TOP2B: variants seen among roughly 807,000 people sequenced by gnomAD.
TOP2B encodes DNA topoisomerase 2-beta.
TOP2B carries 51 observed loss-of-function variants against 193.5 expected under a neutral mutation model. That is an observed-to-expected ratio of 0.26 (90% CI 0.21 to 0.33). The LOEUF (loss-of-function observed/expected upper bound fraction) is 0.33. Ranked by LOEUF, TOP2B falls within the 10% of genes least tolerant of loss-of-function variation. The probability of loss-of-function intolerance (pLI) is 1.00; values close to 1 mark genes in which losing one functional copy is unlikely to be tolerated. For missense variants in TOP2B, 1,378 were observed against 1,909.3 expected (o/e 0.72, Z 5.19); for synonymous variants, 634 against 635.7 (o/e 1.00, Z 0.04).
intron 35 of TOP2B, 64 bp downstream of exon 35, chr3:25,599,371 T>G: frequency 6.7e-7 from 1 of 1,499,334 alleles, no homozygotes; most frequent in Non-Finnish European, 9.1e-7. Context: ...ATAAGCAAAC[T>G]AAGTCACTTA....
At chr3:25,604,609 G>T in intron 33 of TOP2B, 151 bp downstream of exon 33, 1 of 590,880 alleles carries the variant, frequency 1.7e-6, no homozygotes, top group Non-Finnish European at 2.9e-6. Flanking sequence ...GCCCTCAGAT[G>T]GCTAGAAAAC....
Position 25,598,138 on chromosome 3 carries a change from A to AT in TOP2B, c.*168dup, listed in dbSNP as rs1701966001. 3 of 632,786 alleles carry AT rather than the reference A, an allele frequency of 4.7e-6. No homozygotes were observed. Among genetic ancestry groups the AT allele is most frequent in the Non-Finnish European group, 7.7e-6 (3 of 387,796 alleles). 39.2% of individuals were successfully genotyped at this position (632,786 alleles called of 1,614,324 possible). ...GACATTTCAATGAGTAAAAAAGAGC[A>AT]TAAAACTGTATGTGTAAGAACAAAA... On this transcript the variant is annotated 3_prime_UTR_variant, in exon 36 of 36. Coordinates refer to ENST00000264331, the MANE Select transcript of TOP2B (RefSeq NM_001330700.2).
In TOP2B at chr3:25,629,006, A is replaced by G. The variant is rs1466535169; in HGVS notation, c.1800+29T>C. Reference sequence around the variant, plus strand: ...TTTTCTGCTACCCTTTAAGACAACAATATAAAAATATATTAATGCAAAGAG... The same window carrying G: ...TTTTCTGCTACCCTTTAAGACAACAGTATAAAAATATATTAATGCAAAGAG... On this transcript the variant is annotated intron_variant, in intron 14 of 35. Coordinates refer to ENST00000264331, the MANE Select transcript of TOP2B (RefSeq NM_001330700.2). 1.9e-6 allele frequency: 3 copies of G among 1,572,082 alleles called. No individual in the cohort carries two copies. In the South Asian group the frequency reaches 3.6e-5, roughly 19 times the overall value.
intron 33 of TOP2B, among the ~76,000 whole-genome samples, chr3:25,601,569 C>T (rs567576489): frequency 5.9e-4 from 89 of 152,106 alleles, no homozygotes; most frequent in Middle Eastern, 3.4e-3. Flanking sequence ...GCTGAGATTG[C>T]GCCACTGCAC....
chr3:25,632,713 C>T lies in TOP2B; in HGVS notation c.1108G>A (p.Val370Ile). Residue 370 changes from valine to isoleucine, a missense_variant, in exon 9 of 36, where the codon GTA (valine) becomes ATA (isoleucine). Coordinates refer to ENST00000264331, the MANE Select transcript of TOP2B (RefSeq NM_001330700.2). ...CTTACTTGAAATGGTTTCACTGATACACCAGCTTTGTTCTTTTTCTTAACT... is the reference window on the plus strand; with the variant it reads ...CTTACTTGAAATGGTTTCACTGATATACCAGCTTTGTTCTTTTTCTTAACT... ...EVVKKKNKAG[V>I]SVKPFQVKNH... 2.5e-6 allele frequency: 4 copies of T among 1,612,942 alleles called. No homozygotes were observed. The highest frequency in any genetic ancestry group is 3.4e-6 in the Non-Finnish European group (4 of 1,179,246).
At chr3:25,617,344 T>A (rs1017979382) in intron 25 of TOP2B, among the ~76,000 whole-genome samples, 2 of 152,160 alleles carry the variant, frequency 1.3e-5, no homozygotes, top group African/African-American at 4.8e-5. Context: ...GCTTCAATCA[T>A]CTTAACTCTG....
chr3:25,626,933 A>C, intron 16 of TOP2B, 69 bp from the exon 17 acceptor site: 1 of 939,562 alleles, frequency 1.1e-6, no homozygotes, highest in Non-Finnish European at 1.6e-6. Context: ...ATTAAAATGT[A>C]TAAGTGGCCA....
At chr3:25,613,419 T>C (rs1406631216) in intron 27 of TOP2B, among the ~76,000 whole-genome samples, 1 of 152,044 alleles carries the variant, frequency 6.6e-6, no homozygotes, top group Middle Eastern at 3.2e-3. Flanking sequence ...CACTTCCACT[T>C]ACTAGTTATG....
At position 25,618,860 on chromosome 3, in the gene TOP2B, C is replaced by T. The variant is rs1702582512; in HGVS notation, c.3064-11G>A. On this transcript the variant is annotated splice_polypyrimidine_tract_variant and intron_variant, in intron 23 of 35. Transcript: ENST00000264331. ...ATGATCAAAAAGTACCTAAGCAAAA[C>T]ACATATACTTTGCAGATCATATAGA... 1.3e-6 allele frequency: 2 copies of T among 1,582,584 alleles called. No homozygotes were observed. Among genetic ancestry groups the T allele is most frequent in the Admixed American group, 1.8e-5 (1 of 55,504 alleles).
intron 7 of TOP2B, among the ~76,000 whole-genome samples, chr3:25,634,787 A>AC (rs1703055875): frequency 1.4e-5 from 2 of 138,302 alleles, no homozygotes; most frequent in African/African-American, 5.8e-5. Context: ...CCAAAAAAAA[A>AC]AAAAAAAAAA....
rs571217189 is a variant in TOP2B at position 25,602,471 on chromosome 3, G to T, written c.4490-1246C>A. On this transcript the variant is annotated intron_variant, in intron 33 of 35. Coordinates refer to ENST00000264331, the MANE Select transcript of TOP2B (RefSeq NM_001330700.2). ...GTAATTAAGAAAACCTAATTTGGAA[G>T]AAAATATATTAACTGTAGACTTTGT... is the stretch of plus-strand genomic sequence containing the variant. 1.1e-4 allele frequency among the ~76,000 whole-genome samples: 15 copies of T among 133,628 alleles called. No homozygotes were observed. In the South Asian group the frequency reaches 3.3e-3, roughly 30 times the overall value. 87.7% of individuals were successfully genotyped at this position (133,628 alleles called of 152,430 possible).
intron 8 of TOP2B, among the ~76,000 whole-genome samples, 182 bp from the exon 9 acceptor site, chr3:25,632,976 G>T (rs555193695): frequency 1.1e-4 from 17 of 151,038 alleles, no homozygotes; most frequent in South Asian, 4.2e-4. Context: ...TGTTTTTTTT[G>T]TTTGTTTGTT....
At chr3:25,643,592 T>C in intron 3 of TOP2B, 102 bp downstream of exon 3, 1 of 799,032 alleles carries the variant, frequency 1.3e-6, no homozygotes, top group South Asian at 1.9e-5. Context: ...AAGCCAGAGA[T>C]ACACCTTTCA....
chr3:25,601,035 G>A, intron 34 of TOP2B, 65 bp downstream of exon 34: 1 of 1,536,046 alleles, frequency 6.5e-7, no homozygotes, highest in Non-Finnish European at 8.8e-7. Flanking sequence ...ATTCAATGAG[G>A]TAGAAAAAAT....
intron 7 of TOP2B, among the ~76,000 whole-genome samples, chr3:25,634,799 C>CAAAAAAAAAAAAAAAA (rs1224120357): frequency 2.1e-5 from 2 of 96,444 alleles, no homozygotes. Context: ...AAAAAAAAAC[C>CAAAAAAAAAAAAAAAA]AAAAAAAGGC....
intron 4 of TOP2B, among the ~76,000 whole-genome samples, chr3:25,638,751 C>T (rs1341913671): frequency 6.6e-6 from 1 of 151,946 alleles, no homozygotes; most frequent in Non-Finnish European, 1.5e-5. Flanking sequence ...TCTCTAAGTC[C>T]ATATGAGTAT....
intron 1 of TOP2B, among the ~76,000 whole-genome samples, chr3:25,656,895 A>T (rs1575589220): frequency 6.6e-6 from 1 of 152,264 alleles, no homozygotes; most frequent in East Asian, 1.9e-4. Flanking sequence ...AACATAATTA[A>T]GCTAGAATAA....
intron 3 of TOP2B, 98 bp downstream of exon 3, chr3:25,643,596 C>G (rs888918208): frequency 9.7e-6 from 8 of 827,630 alleles, no homozygotes; most frequent in Non-Finnish European, 1.4e-5. Context: ...CAGAGATACA[C>G]CTTTCAAATT....
intron 21 of TOP2B, among the ~76,000 whole-genome samples, chr3:25,621,327 TC>T (rs1702652339): frequency 6.6e-6 from 1 of 152,128 alleles, no homozygotes; most frequent in South Asian, 2.1e-4. Flanking sequence ...TACTCATCCT[TC>T]CCAACTGAAT....
Sources: gnomAD v4.1 joint callset for allele counts (sites outside exome capture counted in the v4.1 genomes callset) on GRCh38, gnomAD v4.1.1 for gene constraint, MANE v1.5 for transcripts, NCBI Gene and HGNC (gene_info 2026-07-23, HGNC 2026-07-21) for gene names.